COLQ: variants seen among roughly 807,000 people sequenced by gnomAD.
COLQ encodes the protein acetylcholinesterase collagenic tail peptide.
COLQ carries 48 observed loss-of-function variants against 69.0 expected under a neutral mutation model. That is an observed-to-expected ratio of 0.70 (90% confidence interval 0.55 to 0.88). COLQ has a LOEUF of 0.88. Among genes scored for constraint, COLQ ranks in the 40% least tolerant of loss-of-function variants. The pLI is 0.00. For synonymous variants in COLQ, 217 were observed against 211.2 expected, an observed-to-expected ratio of 1.03 and a Z score of -0.24; for missense variants, 618 against 594.6, an observed-to-expected ratio of 1.04 and a Z score of -0.41.
intron 1 of COLQ, among the ~76,000 whole-genome samples, chr3:15,510,808 C>G (rs7638675): frequency 0.39 from 45,557 of 116,492 alleles, 9,846 homozygotes; most frequent in East Asian, 0.61. Context: ...GAGAAAGAGA[C>G]CAAGAGAGAG....
chr3:15,471,317 A>C (rs1044750612), intron 10 of COLQ, among the ~76,000 whole-genome samples: 1 of 152,254 alleles, frequency 6.6e-6, no homozygotes, highest in African/African-American at 2.4e-5. Context: ...GTAAAGCTCT[A>C]TGTTGAACTA....
chr3:15,479,725 T>C (rs1319610391), intron 3 of COLQ, among the ~76,000 whole-genome samples: 2 of 152,236 alleles, frequency 1.3e-5, no homozygotes, highest in African/African-American at 2.4e-5. Flanking sequence ...TCCCATTTGC[T>C]GAAAACAAGA....
chr3:15,452,214 G>A lies in COLQ; in HGVS notation c.1299-501C>T, dbSNP rs749605429. Among the ~76,000 whole-genome samples, 5 of 152,030 alleles carry A rather than the reference G, an allele frequency of 3.3e-5. No homozygotes were observed. In the East Asian group the frequency reaches 5.8e-4, roughly 18 times the overall value. On this transcript the variant is annotated intron_variant, in intron 16 of 16. Coordinates refer to ENST00000383788, the MANE Select transcript of COLQ (RefSeq NM_005677.4). ...CCTGAGTACCTGGGATTACAGGCAC[G>A]TGCCACCAAGCTCAGCTAATTTTTG... is the stretch of plus-strand genomic sequence containing the variant.
In COLQ at chr3:15,499,497, C is replaced by T. The variant is rs562083124; in HGVS notation, c.107-9860G>A. Among the ~76,000 whole-genome samples the T allele has an allele frequency of 3.3e-5, 5 of 152,276 alleles. No homozygotes were observed. The South Asian group carries it at 1.0e-3, about 32-fold the overall frequency. On this transcript the variant is annotated intron_variant, in intron 1 of 16. Coordinates refer to ENST00000383788, the MANE Select transcript of COLQ (RefSeq NM_005677.4). ...AACCTCACTTTGCCATTGTACAGGACAGCAGCCATAGACAATACATGAAGG... is the reference window on the plus strand; with the variant it reads ...AACCTCACTTTGCCATTGTACAGGATAGCAGCCATAGACAATACATGAAGG...
chr3:15,495,052 G>A (rs547060881), intron 1 of COLQ, among the ~76,000 whole-genome samples: 2 of 152,292 alleles, frequency 1.3e-5, no homozygotes, highest in East Asian at 1.9e-4. Flanking sequence ...GCTAGTAAGT[G>A]ACAGAGCCAG....
At chr3:15,490,607 T>C (rs916074648) in intron 1 of COLQ, among the ~76,000 whole-genome samples, 9 of 152,266 alleles carry the variant, frequency 5.9e-5, no homozygotes, top group Admixed American at 3.9e-4. Context: ...TGCTGAATAG[T>C]GTCCCACTGA....
chr3:15,453,001 A>AG (rs1380388742), intron 16 of COLQ, among the ~76,000 whole-genome samples: 1 of 152,236 alleles, frequency 6.6e-6, no homozygotes, highest in Non-Finnish European at 1.5e-5. Flanking sequence ...AAGCACCAGT[A>AG]GATCCACTCT....
At position 15,458,193 on chromosome 3, in the gene COLQ, A is replaced by C; in HGVS notation, c.947T>G (p.Val316Gly). The C allele has an allele frequency of 1.9e-6, 3 of 1,613,576 alleles. No individual in the cohort carries two copies. The highest frequency in any genetic ancestry group is 2.5e-6 in the Non-Finnish European group (3 of 1,180,010). The change falls in exon 13 of 17, where the codon GTT becomes GGT. Residue 316 changes from valine (V) to glycine (G), a missense_variant. Physicochemically the swap from Val to Gly is moderately radical, Grantham distance 109. Coordinates refer to ENST00000383788, the MANE Select transcript of COLQ (RefSeq NM_005677.4). The stretch of plus-strand genomic sequence containing the variant: ...TCTCCCAGAAAGCCTTACCACAGGA[A>C]CTCGCGGGGAACTGGGCCCATACAC... ...ESVYGPSSPR[V>G]PVIFVVNNQE... is the part of the protein sequence containing the mutation.
chr3:15,518,711 C>A (rs1233001553), intron 1 of COLQ, among the ~76,000 whole-genome samples: 1 of 152,194 alleles, frequency 6.6e-6, no homozygotes, highest in African/African-American at 2.4e-5. Flanking sequence ...CCCATGAGAG[C>A]TCTTCCTCCA....
At chr3:15,518,487 T>G (rs1559535500) in intron 1 of COLQ, among the ~76,000 whole-genome samples, 1 of 152,234 alleles carries the variant, frequency 6.6e-6, no homozygotes, top group Non-Finnish European at 1.5e-5. Flanking sequence ...GTATCAAATA[T>G]TATGTGCTTT....
At chr3:15,477,518 G>A (rs770801719) in intron 5 of COLQ, 6 of 365,462 alleles carry the variant, frequency 1.6e-5, no homozygotes, top group African/African-American at 1.3e-4. Flanking sequence ...CCAAGGATGT[G>A]CTATGGAATG....
chr3:15,477,258 A>G (rs995807640), intron 5 of COLQ, 61 bp from the exon 6 acceptor site: 4 of 1,457,894 alleles, frequency 2.7e-6, no homozygotes, highest in Non-Finnish European at 3.8e-6. Flanking sequence ...TCTAATAAAT[A>G]TGTTTTGTCT....
intron 12 of COLQ, among the ~76,000 whole-genome samples, chr3:15,459,207 T>C (rs2062069230): frequency 6.6e-6 from 1 of 152,126 alleles, no homozygotes; most frequent in East Asian, 1.9e-4. Context: ...TGGAAGAAAA[T>C]AGAACATTAG....
At chr3:15,459,116 T>G (rs892298984) in intron 12 of COLQ, among the ~76,000 whole-genome samples, 4 of 152,188 alleles carry the variant, frequency 2.6e-5, no homozygotes, top group Non-Finnish European at 5.9e-5. Flanking sequence ...AGTGCTGGGA[T>G]TACAGGCGTG....
rs527814640 is a variant in COLQ, at chr3:15,500,707, GTCTC to G, written c.107-11074_107-11071del. Among the ~76,000 whole-genome samples the G allele has an allele frequency of 1.2e-3, 188 of 152,134 alleles. 2 individuals carry two copies. Among genetic ancestry groups the G allele is most frequent in the Non-Finnish European group, 1.4e-3 (93 of 67,988 alleles). ...TGTCTCTGTCTTTCTCTGTCTCTGT[GTCTC>G]TCTATCTATAACTTTGTCTCATTCT... On this transcript the variant is annotated intron_variant, in intron 1 of 16. Coordinates refer to ENST00000383788, the MANE Select transcript of COLQ (RefSeq NM_005677.4).
intron 9 of COLQ, 26 bp from the exon 10 acceptor site, chr3:15,474,061 T>C (rs1033569109): frequency 1.2e-6 from 2 of 1,614,128 alleles, no homozygotes; most frequent in Admixed American, 1.7e-5. Flanking sequence ...CAAATAATTG[T>C]GATCACCTCT....
intron 1 of COLQ, among the ~76,000 whole-genome samples, chr3:15,519,022 C>T (rs1230046182): frequency 6.6e-6 from 1 of 152,110 alleles, no homozygotes; most frequent in African/African-American, 2.4e-5. Context: ...CAAAGGATTA[C>T]AAGGAACAGC....
At chr3:15,478,050 C>A (rs557515897) in intron 5 of COLQ, among the ~76,000 whole-genome samples, 1 of 152,344 alleles carries the variant, frequency 6.6e-6, no homozygotes, top group African/African-American at 2.4e-5. Flanking sequence ...GCCCCTAAAC[C>A]AGATATACCA....
In COLQ at chr3:15,498,563, C is replaced by T. The variant is rs1312241972; in HGVS notation, c.107-8926G>A. On this transcript the variant is annotated intron_variant, in intron 1 of 16. Transcript: ENST00000383788. ...AGTCCTGAAATGATGAGCAGATGAG[C>T]GAGGCTGAATGATGAGCCCGTCATT... The T allele has an allele frequency of 6.4e-6, 10 of 1,551,828 alleles. No individual in the cohort carries two copies. The South Asian group carries it at 7.1e-5, about 11-fold the overall frequency.
Sources: gnomAD v4.1 joint callset for allele counts (sites outside exome capture counted in the v4.1 genomes callset) on GRCh38, gnomAD v4.1.1 for gene constraint, MANE v1.5 for transcripts, NCBI Gene and HGNC (gene_info 2026-07-23, HGNC 2026-07-21) for gene names.